The following XPO6 variants were observed in gnomAD, a reference collection of about 807,000 sequenced individuals.
XPO6 encodes exportin 6.
A neutral mutation model predicts 130.0 loss-of-function variants in XPO6; 3 were observed. The ratio of observed to expected loss-of-function variants is 0.02; its 90% confidence interval spans 0.01 to 0.06. XPO6 has a LOEUF of 0.06. XPO6 is among the 10% of genes least tolerant of loss of function. The pLI is 1.00. For missense variants in XPO6, 970 were observed against 1,393.0 expected (o/e 0.70, Z 4.83); for synonymous variants, 524 against 548.9 (o/e 0.95, Z 0.63).
At chr16:28,121,554 A>G in intron 14 of XPO6, 116 bp downstream of exon 14, 1 of 811,674 alleles carries the variant, frequency 1.2e-6, no homozygotes, top group Non-Finnish European at 2.1e-6. Context: ...TTGCAGTTTA[A>G]GAGTTTTTCC....
intron 20 of XPO6, 66 bp from the exon 21 acceptor site, chr16:28,104,773 G>T: frequency 6.3e-7 from 1 of 1,581,804 alleles, no homozygotes; most frequent in Non-Finnish European, 8.6e-7. Flanking sequence ...GCCCAGGGCA[G>T]CAAAGATGCC....
At chr16:28,166,929 T>A in intron 5 of XPO6, 4 of 704,504 alleles carry the variant, frequency 5.7e-6, no homozygotes, top group Non-Finnish European at 7.0e-6. Context: ...AACCCTTCTC[T>A]GAGCTGGTAG....
rs1318483036 is a variant in XPO6 at position 28,152,800 on chromosome 16, A to T, written c.1098-15T>A. On this transcript the variant is annotated splice_polypyrimidine_tract_variant and intron_variant, in intron 7 of 23. Coordinates refer to ENST00000304658, the MANE Select transcript of XPO6 (RefSeq NM_015171.4). ...TCTCGATATAGCTAAATGAGACAAG[A>T]CAAAAGGTGACAATAAGAAACCCAG... The T allele has an allele frequency of 6.2e-7, 1 of 1,606,176 alleles. No individual in the cohort carries two copies. Among genetic ancestry groups the T allele is most frequent in the Non-Finnish European group, 8.5e-7 (1 of 1,177,752 alleles).
chr16:28,122,308 T>G (rs941749632), intron 13 of XPO6, among the ~76,000 whole-genome samples: 1 of 152,104 alleles, frequency 6.6e-6, no homozygotes, highest in African/African-American at 2.4e-5. Flanking sequence ...GTTTTATAAA[T>G]GAGGAGAATA....
At chr16:28,183,977 T>C (rs1006483242) in intron 1 of XPO6, among the ~76,000 whole-genome samples, 1 of 152,176 alleles carries the variant, frequency 6.6e-6, no homozygotes, top group Non-Finnish European at 1.5e-5. Flanking sequence ...TACTGGAGAA[T>C]TCCCTGGCTC....
intron 8 of XPO6, among the ~76,000 whole-genome samples, chr16:28,146,968 C>T (rs939216285): frequency 1.3e-5 from 2 of 152,172 alleles, no homozygotes; most frequent in African/African-American, 4.8e-5. Flanking sequence ...TACTCCTTCC[C>T]CTATGCATTC....
rs1488170888 is a variant in XPO6 at position 28,112,125 on chromosome 16, G to A, written c.2152-119C>T. The A allele has an allele frequency of 2.2e-5, 27 of 1,217,272 alleles. No homozygotes were observed. The South Asian group carries it at 2.3e-4, about 11-fold the overall frequency. 75.4% of individuals were successfully genotyped at this position (1,217,272 alleles called of 1,614,324 possible). A position where few individuals can be genotyped will look rare whatever the true frequency, so the allele number is the denominator to read the frequency against. ...ACCTGGAACCCTAGCCCCCAGGCTC[G>A]TTTCTTGCAACCTGGGCAAGGCCTT... On this transcript the variant is annotated intron_variant, in intron 16 of 23. Coordinates refer to ENST00000304658, the MANE Select transcript of XPO6 (RefSeq NM_015171.4).
chr16:28,163,306 C>A (rs2141839302), intron 6 of XPO6, among the ~76,000 whole-genome samples: 1 of 152,370 alleles, frequency 6.6e-6, no homozygotes, highest in South Asian at 2.1e-4. Flanking sequence ...TGGGAGGAAA[C>A]AGAAGACTGG....
intron 14 of XPO6, among the ~76,000 whole-genome samples, chr16:28,120,409 A>C (rs1256532291): frequency 2.0e-5 from 3 of 152,176 alleles, no homozygotes; most frequent in Non-Finnish European, 4.4e-5. Context: ...ATTCATAGTG[A>C]CCACACAGTT....
rs2086788003 is a variant in XPO6, at chr16:28,106,598, C to T, written c.2498-101G>A. 7 of 875,508 alleles carry T rather than the reference C, an allele frequency of 8.0e-6. No homozygotes were observed. Among genetic ancestry groups the T allele is most frequent in the South Asian group, 7.2e-5 (5 of 69,540 alleles). 54.2% of individuals were successfully genotyped at this position (875,508 alleles called of 1,614,324 possible). A position where few individuals can be genotyped will look rare whatever the true frequency, so the allele number is the denominator to read the frequency against. On this transcript the variant is annotated intron_variant, in intron 18 of 23. Transcript: ENST00000304658. This position sits in a 1 kb window ranked among gnomAD's most constrained non-coding sequence, Gnocchi z 4.2. The stretch of plus-strand genomic sequence containing the variant: ...TCCTGAAATCTGCACTATCAGCTTT[C>T]TCTACAGCTTCCTGCTGGAAACATT...
chr16:28,138,744 A>G (rs1237048092), intron 9 of XPO6, among the ~76,000 whole-genome samples: 2 of 152,098 alleles, frequency 1.3e-5, no homozygotes, highest in Admixed American at 1.3e-4. Flanking sequence ...CTTTTGCCCA[A>G]CCTATCCCAC....
At chr16:28,166,919 A>C (rs1172502767) in intron 5 of XPO6, 1 of 766,572 alleles carries the variant, frequency 1.3e-6, no homozygotes, top group Non-Finnish European at 1.6e-6. Context: ...CCATTGCCTA[A>C]ACCCTTCTCT....
chr16:28,111,649 C>A (rs2086923981), intron 17 of XPO6, 168 bp downstream of exon 17: 2 of 628,326 alleles, frequency 3.2e-6, no homozygotes, highest in Non-Finnish European at 5.3e-6. Flanking sequence ...TAACTGAATT[C>A]CAAAGGTAGC....
chr16:28,125,429 CT>C (rs2087371349), intron 13 of XPO6, among the ~76,000 whole-genome samples: 1 of 152,214 alleles, frequency 6.6e-6, no homozygotes, highest in Admixed American at 6.5e-5. Context: ...TTGTTATGTG[CT>C]AGGCACAGTG....
intron 11 of XPO6, among the ~76,000 whole-genome samples, chr16:28,133,064 C>T (rs1040558891): frequency 1.3e-5 from 2 of 152,170 alleles, no homozygotes; most frequent in Non-Finnish European, 2.9e-5. Flanking sequence ...TGGCCAGGGG[C>T]GGTGGCTCAC....
Position 28,107,676 on chromosome 16 carries a change from G to C in XPO6, c.2343C>G (p.Thr781=). ...APQRKMPLDD[T]KLIIHQTLSV... ...TGAGTGTCTGGTGGATAATCAGTTT[G>C]GCTGCAAATCAAGATGAGTTGCAGG... The change falls in exon 18 of 24, where the codon ACC becomes ACG. Residue 781 remains threonine, a splice_region_variant and synonymous_variant. Coordinates refer to ENST00000304658, the MANE Select transcript of XPO6 (RefSeq NM_015171.4). The C allele has an allele frequency of 6.2e-7, 1 of 1,613,720 alleles. No homozygotes were observed. The highest frequency in any genetic ancestry group is 8.5e-7 in the Non-Finnish European group (1 of 1,179,886).
Position 28,125,764 on chromosome 16 carries a change from A to G in XPO6, c.1691T>C (p.Val564Ala), listed in dbSNP as rs769992717. The change falls in exon 13 of 24, where the codon GTG becomes GCG. Residue 564 changes from valine to alanine, a missense_variant. Val to Ala is a moderately conservative substitution (Grantham distance 64, BLOSUM62 0). Around this residue, in one of 4 missense-constraint regions of XPO6, gnomAD observed 936 missense variants for 1,306.8 expected, o/e 0.72. Coordinates refer to ENST00000304658, the MANE Select transcript of XPO6 (RefSeq NM_015171.4). ...GATAAAGTACTCGGCCAGGCGGCCC[A>G]CGGCCTGCAGCAGGGAGCTCAAGTC... Reference protein sequence around the residue: ...LRDLSSLLQAVGRLAEYFIGD... With the variant: ...LRDLSSLLQAAGRLAEYFIGD... 1.2e-6 allele frequency: 2 copies of G among 1,614,102 alleles called. No homozygotes were observed. Among genetic ancestry groups the G allele is most frequent in the East Asian group, 2.2e-5 (1 of 44,898 alleles).
chr16:28,146,403 T>C (rs771205364), intron 8 of XPO6, 200 bp from the exon 9 acceptor site: 122 of 533,928 alleles, frequency 2.3e-4, no homozygotes, highest in Non-Finnish European at 3.0e-4. Flanking sequence ...AAGGGTACCA[T>C]GGAACACATC....
intron 1 of XPO6, among the ~76,000 whole-genome samples, chr16:28,182,375 G>A (rs954288324): frequency 1.3e-5 from 2 of 152,124 alleles, no homozygotes; most frequent in African/African-American, 2.4e-5. Context: ...ATTCATAAGC[G>A]TGTGCACACC....
Sources: gnomAD v4.1 joint callset for allele counts (sites outside exome capture counted in the v4.1 genomes callset) on GRCh38, gnomAD v4.1.1 for gene constraint, gnomAD v4.1.1 regional missense constraint, Gnocchi (gnomAD v3.1) non-coding constraint, MANE v1.5 for transcripts, NCBI Gene and HGNC (gene_info 2026-07-23, HGNC 2026-07-21) for gene names.